The following GAP43 variants were observed in gnomAD, a reference collection of about 807,000 sequenced individuals.
The protein encoded by GAP43 is neuromodulin.
GAP43 carries 6 observed loss-of-function variants against 18.6 expected under a neutral mutation model. That is an observed-to-expected ratio of 0.32 (90% confidence interval 0.18 to 0.64). The LOEUF is 0.64. GAP43 is among the 30% of genes least tolerant of loss of function. The pLI, the probability that GAP43 is intolerant of heterozygous loss-of-function variation, is 0.78. For missense variants in GAP43, 292 were observed against 295.5 expected, an observed-to-expected ratio of 0.99 and a Z score of 0.09; for synonymous variants, 115 against 111.4, an observed-to-expected ratio of 1.03 and a Z score of -0.20.
At chr3:115,642,133 G>A (rs533188730) in intron 1 of GAP43, among the ~76,000 whole-genome samples, 4 of 152,206 alleles carry the variant, frequency 2.6e-5, no homozygotes, top group Admixed American at 2.0e-4. Flanking sequence ...ATTTCTAGAT[G>A]TATATATGCC....
At chr3:115,716,955 GT>G (rs1709517050) in intron 2 of GAP43, among the ~76,000 whole-genome samples, 1 of 151,666 alleles carries the variant, frequency 6.6e-6, no homozygotes. Context: ...TAGCTACTTA[GT>G]TTCAGTGCCG....
intron 1 of GAP43, among the ~76,000 whole-genome samples, chr3:115,635,085 A>T (rs1386097093): frequency 6.6e-6 from 1 of 152,148 alleles, no homozygotes; most frequent in Non-Finnish European, 1.5e-5. Context: ...CCAAACTGGG[A>T]GTTTGATCTA....
At chr3:115,650,767 T>C (rs1708511390) in intron 1 of GAP43, among the ~76,000 whole-genome samples, 1 of 152,150 alleles carries the variant, frequency 6.6e-6, no homozygotes, top group Non-Finnish European at 1.5e-5. Context: ...AAAATCATAC[T>C]CTAGTCTTTT....
intron 2 of GAP43, among the ~76,000 whole-genome samples, chr3:115,684,460 A>G (rs1403723554): frequency 2.6e-5 from 4 of 152,204 alleles, no homozygotes; most frequent in African/African-American, 7.2e-5. Context: ...TGCCTGTAGT[A>G]TACCCTTCTG....
rs1475825025 is a variant in GAP43 at position 115,623,579 on chromosome 3, C to T, written c.-111C>T. The T allele has an allele frequency of 2.1e-6, 3 of 1,412,408 alleles. No homozygotes were observed. Among genetic ancestry groups the T allele is most frequent in the Non-Finnish European group, 3.0e-6 (3 of 1,011,256 alleles). 87.5% of individuals were successfully genotyped at this position (1,412,408 alleles called of 1,614,324 possible). ...GAGGGAGGGAGAGAGAGCGCGCTAGCGCGAGAGAGCGAGTGAGCAAGCGAG... is the reference window on the plus strand; with the variant it reads ...GAGGGAGGGAGAGAGAGCGCGCTAGTGCGAGAGAGCGAGTGAGCAAGCGAG... On this transcript the variant is annotated 5_prime_UTR_variant, in exon 1 of 3. Transcript: ENST00000305124.
chr3:115,698,121 T>TAA (rs1709231894), intron 2 of GAP43, among the ~76,000 whole-genome samples: 3 of 16,262 alleles, frequency 1.8e-4, no homozygotes, highest in Non-Finnish European at 3.9e-4. Flanking sequence ...ATATAATATA[T>TAA]ATTATATATA....
intron 2 of GAP43, among the ~76,000 whole-genome samples, chr3:115,716,175 A>G (rs1709500072): frequency 6.6e-6 from 1 of 152,228 alleles, no homozygotes; most frequent in African/African-American, 2.4e-5. Context: ...AGGTAAGAAA[A>G]TGTAGATATA....
intron 1 of GAP43, among the ~76,000 whole-genome samples, chr3:115,636,448 C>T (rs1203992193): frequency 6.6e-6 from 1 of 152,076 alleles, no homozygotes; most frequent in Non-Finnish European, 1.5e-5. Flanking sequence ...CCCTTAAAGC[C>T]CTAAGGCCCT....
rs144575364 is a variant in GAP43 at position 115,641,861 on chromosome 3, C to T, written c.30+18142C>T. 3.8e-3 allele frequency among the ~76,000 whole-genome samples: 584 copies of T among 152,126 alleles called. 3 individuals are homozygous for T. The highest frequency in any genetic ancestry group is 0.013 in the African/African-American group (551 of 41,514). ...TTTCTCAGAATCCAAGAATGTAAAA[C>T]AGATAAAAAGATGTTCTTGCGGCTG... On this transcript the variant is annotated intron_variant, in intron 1 of 2. Coordinates refer to ENST00000305124, the MANE Select transcript of GAP43 (RefSeq NM_002045.4).
At chr3:115,670,217 A>G (rs1390660495) in intron 1 of GAP43, among the ~76,000 whole-genome samples, 21 of 126,214 alleles carry the variant, frequency 1.7e-4, no homozygotes, top group Admixed American at 1.3e-3. Flanking sequence ...TCATTGTTCA[A>G]TTCCCACCTA....
chr3:115,663,001 C>T (rs1446691539), intron 1 of GAP43, among the ~76,000 whole-genome samples: 1 of 152,082 alleles, frequency 6.6e-6, no homozygotes, highest in Non-Finnish European at 1.5e-5. Flanking sequence ...AGGGAATTTT[C>T]TTTCTTTGAT....
intron 1 of GAP43, among the ~76,000 whole-genome samples, chr3:115,669,968 T>TA (rs1389318449): frequency 3.2e-4 from 45 of 142,040 alleles, no homozygotes; most frequent in Middle Eastern, 7.0e-3. Flanking sequence ...TCTTTTTATT[T>TA]TTATTTTTTT....
At chr3:115,714,437 A>G (rs3772943) in intron 2 of GAP43, among the ~76,000 whole-genome samples, 1 of 152,182 alleles carries the variant, frequency 6.6e-6, no homozygotes, top group East Asian at 1.9e-4. Context: ...AGATTCTAAC[A>G]TTATCTGTCC....
chr3:115,688,796 A>C lies in GAP43; in HGVS notation c.628+12186A>C, dbSNP rs183809056. ...TTATAAATTCAAGTAGACTACTTGA[A>C]AAACCACTCATACAAAGCTATGAAT... On this transcript the variant is annotated intron_variant, in intron 2 of 2. Coordinates refer to ENST00000305124, the MANE Select transcript of GAP43 (RefSeq NM_002045.4). 1.1e-3 allele frequency among the ~76,000 whole-genome samples: 164 copies of C among 152,354 alleles called. 1 individual carries two copies. Among genetic ancestry groups the C allele is most frequent in the African/African-American group, 3.8e-3 (159 of 41,588 alleles).
At position 115,641,464 on chromosome 3, in the gene GAP43, AAG is replaced by A. The variant is rs564614010; in HGVS notation, c.30+17748_30+17749del. On this transcript the variant is annotated intron_variant, in intron 1 of 2. Coordinates refer to ENST00000305124, the MANE Select transcript of GAP43 (RefSeq NM_002045.4). ...CACTATATATATATATAGAGAGAGA[AAG>A]AGTGCATTTATATGTTTTGTGCATA... Among the ~76,000 whole-genome samples, 51 of 148,544 alleles carry A rather than the reference AAG, an allele frequency of 3.4e-4. 1 individual carries two copies. The South Asian group carries it at 6.8e-3, about 20-fold the overall frequency.
At chr3:115,709,535 A>T (rs960093240) in intron 2 of GAP43, among the ~76,000 whole-genome samples, 1 of 152,226 alleles carries the variant, frequency 6.6e-6, no homozygotes, top group African/African-American at 2.4e-5. Context: ...TGTTAAACAC[A>T]TACAATTAAC....
At chr3:115,631,507 A>C (rs1015574917) in intron 1 of GAP43, among the ~76,000 whole-genome samples, 2 of 152,210 alleles carry the variant, frequency 1.3e-5, no homozygotes, top group African/African-American at 4.8e-5. Flanking sequence ...GGAATTTCAT[A>C]GATCGAGCAC....
chr3:115,639,773 A>G (rs1708374534), intron 1 of GAP43, among the ~76,000 whole-genome samples: 1 of 152,030 alleles, frequency 6.6e-6, no homozygotes, highest in African/African-American at 2.4e-5. Flanking sequence ...ACCCTAACTT[A>G]TGTCTCCTAC....
chr3:115,646,804 G>A (rs1708462636), intron 1 of GAP43, among the ~76,000 whole-genome samples: 1 of 151,958 alleles, frequency 6.6e-6, no homozygotes, highest in Admixed American at 6.6e-5. Context: ...TATTGCAAAT[G>A]AGTCTTAATA....
Sources: gnomAD v4.1 joint callset for allele counts (sites outside exome capture counted in the v4.1 genomes callset) on GRCh38, gnomAD v4.1.1 for gene constraint, MANE v1.5 for transcripts, NCBI Gene and HGNC (gene_info 2026-07-23, HGNC 2026-07-21) for gene names.